The following MID1IP1 variants were observed in gnomAD, a reference collection of about 807,000 sequenced individuals.
MID1IP1 encodes the protein mid1-interacting protein 1.
MID1IP1 carries 3 observed loss-of-function variants against 6.8 expected under a neutral mutation model. The observed-to-expected ratio is 0.44, with a 90% CI of 0.20 to 1.14. MID1IP1 has a LOEUF of 1.14. Among genes scored for constraint, MID1IP1 ranks in the 50% most tolerant of loss-of-function variants. The pLI, the probability that MID1IP1 is intolerant of heterozygous loss-of-function variation, is 0.26. For synonymous variants in MID1IP1, 87 were observed against 70.4 expected, an observed-to-expected ratio of 1.24 and a Z score of -1.18; for missense variants, 127 against 158.4, an observed-to-expected ratio of 0.80 and a Z score of 1.06.
At position 38,803,563 on chromosome X, in the gene MID1IP1, A is replaced by G. The variant is rs2070477794; in HGVS notation, c.-1115A>G. On this transcript the variant is annotated 5_prime_UTR_variant, in exon 2 of 3. Coordinates refer to ENST00000614558, the MANE Select transcript of MID1IP1 (RefSeq NM_021242.6). Reference sequence around the variant, plus strand: ...CATCCCCGGCAACCACTGTTAAAGGAAAGATTGGGAAAGATCCCACCCCGC... The same window carrying G: ...CATCCCCGGCAACCACTGTTAAAGGGAAGATTGGGAAAGATCCCACCCCGC... 1 of 112,725 alleles carries G rather than the reference A, an allele frequency of 8.9e-6. No homozygotes were observed. Among genetic ancestry groups the G allele is most frequent in the Non-Finnish European group, 1.9e-5 (1 of 53,305 alleles). 9.3% of individuals were successfully genotyped at this position (112,725 alleles called of 1,213,427 possible).
At chrX:38,801,633 T>C (rs2070455106) in intron 1 of MID1IP1, 146 bp downstream of exon 1, 1 of 110,959 alleles carries the variant, frequency 9.0e-6, no homozygotes, top group African/African-American at 3.3e-5. Flanking sequence ...TGAAGGGTTA[T>C]CTCGAGACTA....
At chrX:38,802,337 T>A (rs2070463757) in intron 1 of MID1IP1, among the ~76,000 whole-genome samples, 198 bp from the exon 2 acceptor site, 3 of 112,649 alleles carry the variant, frequency 2.7e-5, no homozygotes, top group African/African-American at 9.7e-5. Flanking sequence ...CAAAGTTATA[T>A]AATGCTTCCT....
Position 38,805,757 on chromosome X carries a change from G to A in MID1IP1, c.*259G>A, listed in dbSNP as rs886254383. Reference sequence around the variant, plus strand: ...CTGCATTCTATGTTGGTGGGAATGGGACTGGGCTGACGCCCTGCATTCAGC... The same window carrying A: ...CTGCATTCTATGTTGGTGGGAATGGAACTGGGCTGACGCCCTGCATTCAGC... On this transcript the variant is annotated 3_prime_UTR_variant, in exon 3 of 3. Transcript: ENST00000614558. 2 of 416,832 alleles carry A rather than the reference G, an allele frequency of 4.8e-6. No homozygotes were observed. Among genetic ancestry groups the A allele is most frequent in the African/African-American group, 5.0e-5 (2 of 39,708 alleles). The allele number at this position is 416,832 out of a possible 1,213,427, so 34.4% of individuals were successfully genotyped here. A position where few individuals can be genotyped will look rare whatever the true frequency, so the allele number is the denominator to read the frequency against.
chrX:38,806,224 G>A lies in MID1IP1; in HGVS notation c.*726G>A, dbSNP rs1469603609. On this transcript the variant is annotated 3_prime_UTR_variant, in exon 3 of 3. Coordinates refer to ENST00000614558, the MANE Select transcript of MID1IP1 (RefSeq NM_021242.6). ...CCCCCACCCCAGTGTGTATAAGCTG[G>A]CATTTCGCCAGCTTGTACGTAGCTT... The A allele has an allele frequency of 9.2e-6, 1 of 108,619 alleles. No individual in the cohort carries two copies. Among genetic ancestry groups the A allele is most frequent in the Admixed American group, 1.1e-4 (1 of 8,976 alleles). 9.0% of individuals were successfully genotyped at this position (108,619 alleles called of 1,213,427 possible). A position where few individuals can be genotyped will look rare whatever the true frequency, so the allele number is the denominator to read the frequency against.
rs911188429 is a variant in MID1IP1, at chrX:38,804,031, T to TCTGCC, written c.-633_-629dup. ...GCTGCTCCAATCCCTCCTCCTCTGCTCTGCCCTGCCCTGCCCTGGCCTGCC... is the reference window on the plus strand; with the variant it reads ...GCTGCTCCAATCCCTCCTCCTCTGCTCTGCCCTGCCCTGCCCTGCCCTGGCCTGCC... On this transcript the variant is annotated 5_prime_UTR_variant, in exon 2 of 3. An upstream open reading frame in the 5' UTR loses its in-frame stop. Coordinates refer to ENST00000614558, the MANE Select transcript of MID1IP1 (RefSeq NM_021242.6). The TCTGCC allele has an allele frequency of 1.8e-5, 2 of 113,798 alleles. No homozygotes were observed. The highest frequency in any genetic ancestry group is 9.2e-5 in the Admixed American group (1 of 10,865). The allele number at this position is 113,798 out of a possible 1,213,427, so 9.4% of individuals were successfully genotyped here.
rs950704659 is a variant in MID1IP1 at position 38,805,152 on chromosome X, C to A, written c.206C>A (p.Pro69Gln). ...SGGCLEERTPPVPDSGSANGS... is the reference protein window; with the variant it reads ...SGGCLEERTPQVPDSGSANGS... ...GGCTGCCTGGAGGAGCGCACGCCCC[C>A]AGTCCCCGACTCGGGAAGCGCCAAT... Residue 69 changes from proline to glutamine, a missense_variant, in exon 3 of 3, where the codon CCA becomes CAA. By Grantham distance (76) the Pro-to-Gln change is moderately conservative. Coordinates refer to ENST00000614558, the MANE Select transcript of MID1IP1 (RefSeq NM_021242.6). 3.3e-6 allele frequency: 4 copies of A among 1,210,198 alleles called. No individual in the cohort carries two copies. Among genetic ancestry groups the A allele is most frequent in the Non-Finnish European group, 4.5e-6 (4 of 894,659 alleles).
Position 38,803,543 on chromosome X carries a change from C to G in MID1IP1, c.-1135C>G, listed in dbSNP as rs1393760815. On this transcript the variant is annotated 5_prime_UTR_variant, in exon 2 of 3. Transcript: ENST00000614558. ...TCTGATAGTGTGCCCCTCTTCATCC[C>G]CGGCAACCACTGTTAAAGGAAAGAT... is the stretch of plus-strand genomic sequence containing the variant. The G allele has an allele frequency of 1.8e-5, 2 of 112,662 alleles. No homozygotes were observed. The highest frequency in any genetic ancestry group is 6.5e-5 in the African/African-American group (2 of 30,957). The allele number at this position is 112,662 out of a possible 1,213,427, so 9.3% of individuals were successfully genotyped here. A position where few individuals can be genotyped will look rare whatever the true frequency, so the allele number is the denominator to read the frequency against.
At position 38,805,763 on chromosome X, in the gene MID1IP1, G is replaced by A; in HGVS notation, c.*265G>A. On this transcript the variant is annotated 3_prime_UTR_variant, in exon 3 of 3. Coordinates refer to ENST00000614558, the MANE Select transcript of MID1IP1 (RefSeq NM_021242.6). ...TCTATGTTGGTGGGAATGGGACTGG[G>A]CTGACGCCCTGCATTCAGCCTGTGC... The A allele has an allele frequency of 2.4e-6, 1 of 410,382 alleles. No homozygotes were observed. The highest frequency in any genetic ancestry group is 4.4e-6 in the Non-Finnish European group (1 of 229,754). The allele number at this position is 410,382 out of a possible 1,213,427, so 33.8% of individuals were successfully genotyped here.
chrX:38,805,564 C>G lies in MID1IP1; in HGVS notation c.*66C>G. 2.4e-6 allele frequency: 2 copies of G among 850,151 alleles called. No individual in the cohort carries two copies. The highest frequency in any genetic ancestry group is 7.0e-5 in the Admixed American group (2 of 28,751). 70.1% of individuals were successfully genotyped at this position (850,151 alleles called of 1,213,427 possible). A position where few individuals can be genotyped will look rare whatever the true frequency, so the allele number is the denominator to read the frequency against. ...TCTCACCCTCTCTCATTCCTCAAAG[C>G]TTTTTTTTTTTTTCCTGGCTGGGGG... On this transcript the variant is annotated 3_prime_UTR_variant, in exon 3 of 3. Coordinates refer to ENST00000614558, the MANE Select transcript of MID1IP1 (RefSeq NM_021242.6).
chrX:38,805,577 T>G lies in MID1IP1; in HGVS notation c.*79T>G. 9.3e-6 allele frequency: 8 copies of G among 858,281 alleles called. No homozygotes were observed. The highest frequency in any genetic ancestry group is 2.5e-5 in the South Asian group (1 of 39,768). 70.7% of individuals were successfully genotyped at this position (858,281 alleles called of 1,213,427 possible). A position where few individuals can be genotyped will look rare whatever the true frequency, so the allele number is the denominator to read the frequency against. On this transcript the variant is annotated 3_prime_UTR_variant, in exon 3 of 3. Transcript: ENST00000614558. ...CATTCCTCAAAGCTTTTTTTTTTTT[T>G]CCTGGCTGGGGGGCGGGAAGGGCAG...
At chrX:38,801,942 AC>A (rs948744124) in intron 1 of MID1IP1, 1 of 112,404 alleles carries the variant, frequency 8.9e-6, no homozygotes, top group African/African-American at 3.2e-5. Flanking sequence ...AAGATCAGCT[AC>A]TAGAAACTGT....
Position 38,804,961 on chromosome X carries a change from C to G in MID1IP1, c.15C>G (p.Cys5Trp), listed in dbSNP as rs1336435660. Residue 5 changes from cysteine (C) to tryptophan (W), a missense_variant, in exon 3 of 3, where the codon TGC (cysteine) becomes TGG (tryptophan). Cys to Trp is a radical substitution (Grantham distance 215). Coordinates refer to ENST00000614558, the MANE Select transcript of MID1IP1 (RefSeq NM_021242.6). MMQI[C>W]DTYNQKHSLF... ...GCGCGGCCACCATGATGCAAATCTG[C>G]GACACCTACAACCAGAAGCACTCGC... 8.5e-7 allele frequency: 1 copy of G among 1,174,289 alleles called. No homozygotes were observed. Among genetic ancestry groups the G allele is most frequent in the South Asian group, 1.9e-5 (1 of 52,615 alleles).
rs1228021590 is a variant in MID1IP1, at chrX:38,805,354, G to T, written c.408G>T (p.Ala136=). Residue 136 remains alanine (A), a synonymous_variant, in exon 3 of 3, where the codon GCG becomes GCT. Coordinates refer to ENST00000614558, the MANE Select transcript of MID1IP1 (RefSeq NM_021242.6). ...TGGACCTGGGCCACTTGGAGGGTGCGGACGCCGGCGAAGAAGACCTGGAAC... is the reference window on the plus strand; with the variant it reads ...TGGACCTGGGCCACTTGGAGGGTGCTGACGCCGGCGAAGAAGACCTGGAAC... ...ILVDLGHLEG[A]DAGEEDLEQQ... is the part of the protein sequence containing the mutation. 8.3e-7 allele frequency: 1 copy of T among 1,205,975 alleles called. No homozygotes were observed. The highest frequency in any genetic ancestry group is 1.1e-6 in the Non-Finnish European group (1 of 893,971).
chrX:38,805,666 A>G lies in MID1IP1; in HGVS notation c.*168A>G, dbSNP rs1232324867. On this transcript the variant is annotated 3_prime_UTR_variant, in exon 3 of 3. Coordinates refer to ENST00000614558, the MANE Select transcript of MID1IP1 (RefSeq NM_021242.6). The stretch of plus-strand genomic sequence containing the variant: ...GTGGGGCTGCGTGGAGGAGGGGGCC[A>G]CGTGTGAGAGAGAAGAAAATGGTGG... The G allele has an allele frequency of 4.1e-6, 2 of 486,539 alleles. No individual in the cohort carries two copies. Among genetic ancestry groups the G allele is most frequent in the Non-Finnish European group, 7.0e-6 (2 of 285,505 alleles). 40.1% of individuals were successfully genotyped at this position (486,539 alleles called of 1,213,427 possible).
At position 38,805,382 on chromosome X, in the gene MID1IP1, C is replaced by T; in HGVS notation, c.436C>T (p.Gln146Ter). ...ADAGEEDLEQ[Q>*]FHYHLRGLHT... is the part of the protein sequence containing the mutation. ...CGCCGGCGAAGAAGACCTGGAACAGCAGTTCCACTACCACCTGCGCGGGCT... is the reference window on the plus strand; with the variant it reads ...CGCCGGCGAAGAAGACCTGGAACAGTAGTTCCACTACCACCTGCGCGGGCT... The change falls in exon 3 of 3, where the codon CAG becomes TAG. Residue 146 changes from glutamine (Q) to a stop codon, truncating the protein, a stop_gained. Transcript: ENST00000614558. LOFTEE classifies it high-confidence loss of function. 1 of 1,208,783 alleles carries T rather than the reference C, an allele frequency of 8.3e-7. No homozygotes were observed. The highest frequency in any genetic ancestry group is 3.0e-5 in the East Asian group (1 of 33,678).
chrX:38,804,887 G>T lies in MID1IP1; in HGVS notation c.-60G>T. ...AGCGCGTGAAGGCGGGCATCCCCTT[G>T]ACCCGGCCGACCATCCCCGTGCCCC... On this transcript the variant is annotated 5_prime_UTR_variant, in exon 3 of 3. Coordinates refer to ENST00000614558, the MANE Select transcript of MID1IP1 (RefSeq NM_021242.6). 1 of 1,118,104 alleles carries T rather than the reference G, an allele frequency of 8.9e-7. No individual in the cohort carries two copies. Among genetic ancestry groups the T allele is most frequent in the South Asian group, 2.1e-5 (1 of 47,331 alleles). 92.1% of individuals were successfully genotyped at this position (1,118,104 alleles called of 1,213,427 possible).
At position 38,805,845 on chromosome X, in the gene MID1IP1, T is replaced by G; in HGVS notation, c.*347T>G. On this transcript the variant is annotated 3_prime_UTR_variant, in exon 3 of 3. Coordinates refer to ENST00000614558, the MANE Select transcript of MID1IP1 (RefSeq NM_021242.6). ...GAGGAGAGGGCCCGAGAAGGGGCCA[T>G]ACCAGGGCGCGGCGCTGGGTTGCCA... is the stretch of plus-strand genomic sequence containing the variant. 1 of 214,215 alleles carries G rather than the reference T, an allele frequency of 4.7e-6. No homozygotes were observed. The highest frequency in any genetic ancestry group is 8.9e-6 in the Non-Finnish European group (1 of 112,104). The allele number at this position is 214,215 out of a possible 1,213,427, so 17.7% of individuals were successfully genotyped here. A position where few individuals can be genotyped will look rare whatever the true frequency, so the allele number is the denominator to read the frequency against.
In MID1IP1 at chrX:38,805,564, C is replaced by CA; in HGVS notation, c.*66_*67insA. ...TCTCACCCTCTCTCATTCCTCAAAG[C>CA]TTTTTTTTTTTTTCCTGGCTGGGGG... On this transcript the variant is annotated 3_prime_UTR_variant, in exon 3 of 3. Coordinates refer to ENST00000614558, the MANE Select transcript of MID1IP1 (RefSeq NM_021242.6). 3.5e-6 allele frequency: 3 copies of CA among 850,146 alleles called. No individual in the cohort carries two copies. The highest frequency in any genetic ancestry group is 2.6e-5 in the South Asian group (1 of 38,862). The allele number at this position is 850,146 out of a possible 1,213,427, so 70.1% of individuals were successfully genotyped here.
At chrX:38,801,841 G>A (rs954113218) in intron 1 of MID1IP1, 3 of 111,809 alleles carry the variant, frequency 2.7e-5, no homozygotes, top group Admixed American at 1.9e-4. Flanking sequence ...AGTAAGTTAA[G>A]TCTGAATACC....
Sources: allele counts gnomAD v4.1 joint callset (sites outside exome capture counted in the v4.1 genomes callset), GRCh38; gene constraint gnomAD v4.1.1; transcripts MANE v1.5; gene names NCBI Gene and HGNC (gene_info 2026-07-23, HGNC 2026-07-21).